CD226: variants seen among roughly 807,000 people sequenced by gnomAD.
The protein encoded by CD226 is CD226 molecule, also known as CD226 antigen.
A neutral mutation model predicts 34.9 loss-of-function variants in CD226; 24 were observed. The observed-to-expected ratio is 0.69, with a 90% confidence interval of 0.50 to 0.97. CD226 has a LOEUF of 0.97. Among genes scored for constraint, CD226 ranks in the 50% least tolerant of loss-of-function variants. CD226 has a pLI of 0.00. For missense variants in CD226, 397 were observed against 412.7 expected, an observed-to-expected ratio of 0.96 and a Z score of 0.33; for synonymous variants, 148 against 147.4, an observed-to-expected ratio of 1.00 and a Z score of -0.03.
intron 3 of CD226, among the ~76,000 whole-genome samples, chr18:69,888,371 G>A (rs1365575108): frequency 1.3e-5 from 2 of 150,786 alleles, no homozygotes; most frequent in African/African-American, 4.9e-5. Context: ...CATTTGAAAG[G>A]TCTCAAATAA....
intron 2 of CD226, among the ~76,000 whole-genome samples, chr18:69,916,847 C>T (rs1403292857): frequency 2.0e-5 from 3 of 152,168 alleles, no homozygotes; most frequent in Non-Finnish European, 2.9e-5. Flanking sequence ...TTTCTGCATA[C>T]GAATTCTGAA....
chr18:69,878,795 A>G (rs535041778), intron 3 of CD226, among the ~76,000 whole-genome samples: 1 of 152,270 alleles, frequency 6.6e-6, no homozygotes, highest in Admixed American at 6.5e-5. Flanking sequence ...TTCTCCCAAG[A>G]CTTTCAGGGT....
At chr18:69,918,902 T>C (rs1468097880) in intron 2 of CD226, among the ~76,000 whole-genome samples, 2 of 152,098 alleles carry the variant, frequency 1.3e-5, no homozygotes, top group African/African-American at 4.8e-5. Context: ...ACTGAATGTG[T>C]GGGGCAGGCT....
chr18:69,952,027 G>A (rs1336806496), upstream of CD226, among the ~76,000 whole-genome samples: 2 of 151,986 alleles, frequency 1.3e-5, no homozygotes, highest in Non-Finnish European at 2.9e-5. Context: ...ATCAACCTAA[G>A]TGCCCATCAA....
At chr18:69,876,855 CTTTTTTTTTTTTT>C (rs10618085) in intron 3 of CD226, among the ~76,000 whole-genome samples, 1 of 64,076 alleles carries the variant, frequency 1.6e-5, no homozygotes, top group Non-Finnish European at 2.9e-5. Flanking sequence ...GCCTCTAGAA[CTTTTTTTTTTTTT>C]TTTTTTTTTT....
intron 3 of CD226, among the ~76,000 whole-genome samples, chr18:69,884,234 G>C (rs1029859155): frequency 6.6e-6 from 1 of 152,104 alleles, no homozygotes; most frequent in Non-Finnish European, 1.5e-5. Flanking sequence ...ATGGAGCCTT[G>C]TGGAATATCA....
intron 3 of CD226, among the ~76,000 whole-genome samples, chr18:69,885,871 G>A (rs549667045): frequency 1.3e-5 from 2 of 152,266 alleles, no homozygotes; most frequent in Admixed American, 6.5e-5. Flanking sequence ...TCATAGCATT[G>A]GCGTCAGCGA....
chr18:69,946,414 G>T (rs895515354), intron 2 of CD226, among the ~76,000 whole-genome samples: 2 of 152,066 alleles, frequency 1.3e-5, no homozygotes, highest in African/African-American at 2.4e-5. Flanking sequence ...AACCCTGAAA[G>T]GATCCTGAAC....
At chr18:69,934,997 C>T (rs1386125985) in intron 2 of CD226, among the ~76,000 whole-genome samples, 1 of 152,138 alleles carries the variant, frequency 6.6e-6, no homozygotes, top group African/African-American at 2.4e-5. Context: ...TAAAACCAAA[C>T]AAAAACAAAA....
chr18:69,891,929 T>C (rs1216408357), intron 3 of CD226, among the ~76,000 whole-genome samples: 1 of 152,218 alleles, frequency 6.6e-6, no homozygotes, highest in Non-Finnish European at 1.5e-5. Context: ...TAATTTAACC[T>C]ACCTCGTCCC....
Position 69,862,795 on chromosome 18 carries a change from A to AT in CD226, c.*1518dup, listed in dbSNP as rs1321500442. 6.6e-6 allele frequency: 1 copy of AT among 152,178 alleles called. No homozygotes were observed. Among genetic ancestry groups the AT allele is most frequent in the African/African-American group, 2.4e-5 (1 of 41,460 alleles). The allele number at this position is 152,178 out of a possible 1,614,324, so 9.4% of individuals were successfully genotyped here. On this transcript the variant is annotated 3_prime_UTR_variant, in exon 6 of 6. Transcript: ENST00000582621. ...CTGTCTAGGCAACAGGAGAATTTGG[A>AT]TTTGCTTTATTTAAGATTATCATGA...
intron 1 of CD226, among the ~76,000 whole-genome samples, chr18:69,956,151 G>A (rs1416587528): frequency 1.3e-5 from 2 of 152,228 alleles, no homozygotes; most frequent in Non-Finnish European, 2.9e-5. Flanking sequence ...GCTGGGCGCA[G>A]CCCACTGATT....
At chr18:69,873,357 G>C in intron 3 of CD226, 111 bp from the exon 4 acceptor site, 1 of 590,334 alleles carries the variant, frequency 1.7e-6, no homozygotes, top group Non-Finnish European at 3.0e-6. Flanking sequence ...CAAAAACAAA[G>C]AATCCAACAA....
Position 69,858,309 on chromosome 18 carries a change from C to T in CD226, c.*6005G>A, listed in dbSNP as rs1176323635. 1.3e-5 allele frequency: 2 copies of T among 152,168 alleles called. No individual in the cohort carries two copies. The highest frequency in any genetic ancestry group is 1.3e-4 in the Admixed American group (2 of 15,282). The allele number at this position is 152,168 out of a possible 1,614,324, so 9.4% of individuals were successfully genotyped here. ...ACCCTGCCTTTAAGAAAACTATCAT[C>T]TGGTCGAGGAGGGACATTTGTCAGT... On this transcript the variant is annotated 3_prime_UTR_variant, in exon 6 of 6. Coordinates refer to ENST00000582621, the MANE Select transcript of CD226 (RefSeq NM_001303618.2).
intron 3 of CD226, among the ~76,000 whole-genome samples, chr18:69,882,516 T>G (rs1201693585): frequency 6.6e-6 from 1 of 152,352 alleles, no homozygotes; most frequent in East Asian, 1.9e-4. Context: ...GGGAACATCT[T>G]CAAATTGACA....
chr18:69,908,159 A>G (rs1229529434), intron 2 of CD226, among the ~76,000 whole-genome samples: 1 of 152,190 alleles, frequency 6.6e-6, no homozygotes, highest in Non-Finnish European at 1.5e-5. Flanking sequence ...ATTTTTGTGT[A>G]ATTGGATATA....
At chr18:69,954,608 G>C (rs1204809616) in intron 1 of CD226, among the ~76,000 whole-genome samples, 2 of 151,958 alleles carry the variant, frequency 1.3e-5, no homozygotes, top group Admixed American at 6.6e-5. Flanking sequence ...CCTCACCCAG[G>C]ATAAAGAAAT....
At chr18:69,952,629 C>G (rs1220741298), upstream of CD226, among the ~76,000 whole-genome samples, 1 of 152,070 alleles carries the variant, frequency 6.6e-6, no homozygotes, top group African/African-American at 2.4e-5. Context: ...AAATATAAGA[C>G]CTCAGACTGT....
rs372702319 is a variant in CD226 at position 69,916,746 on chromosome 18, C to T, written c.383-20701G>A. Among the ~76,000 whole-genome samples, 18 of 152,254 alleles carry T rather than the reference C, an allele frequency of 1.2e-4. No individual in the cohort carries two copies. The South Asian group carries it at 2.3e-3, about 19-fold the overall frequency. ...TACATTTTGTACATAAGGGAACAGA[C>T]GAGATTCTTATACTCAATATGAGCA... On this transcript the variant is annotated intron_variant, in intron 2 of 5. Transcript: ENST00000582621.
Sources: allele counts gnomAD v4.1 joint callset (sites outside exome capture counted in the v4.1 genomes callset), GRCh38; gene constraint gnomAD v4.1.1; transcripts MANE v1.5; gene names NCBI Gene and HGNC (gene_info 2026-07-23, HGNC 2026-07-21).